The following EPHA6 variants were observed in gnomAD, a reference collection of about 807,000 sequenced individuals.
The protein encoded by EPHA6 is ephrin type-A receptor 6.
In EPHA6, 50 loss-of-function variants were observed where a neutral mutation model predicts 112.0. The ratio of observed to expected loss-of-function variants is 0.45; its 90% CI spans 0.36 to 0.56. The LOEUF is 0.56. EPHA6 is among the 20% of genes least tolerant of loss of function. The probability of loss-of-function intolerance (pLI) is 0.00; values close to 1 mark genes in which losing one functional copy is unlikely to be tolerated. For synonymous variants in EPHA6, 529 were observed against 490.7 expected (o/e 1.08, Z -1.03); for missense variants, 1,280 against 1,417.4 (o/e 0.90, Z 1.56).
intron 3 of EPHA6, among the ~76,000 whole-genome samples, chr3:97,009,261 G>A (rs954208266): frequency 4.6e-5 from 7 of 152,248 alleles, no homozygotes; most frequent in Non-Finnish European, 5.9e-5. Flanking sequence ...CTTCCCCTAG[G>A]GGCTAAGGCC....
intron 5 of EPHA6, among the ~76,000 whole-genome samples, chr3:97,378,112 G>C (rs932823053): frequency 6.6e-6 from 1 of 152,094 alleles, no homozygotes; most frequent in Non-Finnish European, 1.5e-5. Flanking sequence ...GGTTTTATGG[G>C]CAGGGCCCAG....
intron 3 of EPHA6, among the ~76,000 whole-genome samples, chr3:97,152,784 C>T (rs2076200593): frequency 6.6e-6 from 1 of 152,110 alleles, no homozygotes; most frequent in South Asian, 2.1e-4. Flanking sequence ...GGAAAGCCAA[C>T]TCAATGTCTT....
At chr3:96,922,059 A>G (rs13089877) in intron 2 of EPHA6, among the ~76,000 whole-genome samples, 1 of 152,216 alleles carries the variant, frequency 6.6e-6, no homozygotes, top group Non-Finnish European at 1.5e-5. Context: ...AGAGAAAAAG[A>G]GAATGCCAAA....
chr3:96,927,379 A>G (rs1196866909), intron 2 of EPHA6, among the ~76,000 whole-genome samples: 1 of 152,212 alleles, frequency 6.6e-6, no homozygotes, highest in Non-Finnish European at 1.5e-5. Context: ...TCAGATATTA[A>G]CATTCAGCTC....
At chr3:97,340,228 A>G (rs543644255) in intron 5 of EPHA6, among the ~76,000 whole-genome samples, 5 of 152,280 alleles carry the variant, frequency 3.3e-5, no homozygotes, top group African/African-American at 9.6e-5. Flanking sequence ...AGGCCTTTGT[A>G]TATGTAGAAG....
At chr3:97,442,362 G>A (rs2090164516) in intron 6 of EPHA6, among the ~76,000 whole-genome samples, 1 of 152,144 alleles carries the variant, frequency 6.6e-6, no homozygotes, top group African/African-American at 2.4e-5. Context: ...AAGGCGAGTG[G>A]ACCACTTGAG....
intron 14 of EPHA6, among the ~76,000 whole-genome samples, chr3:97,656,457 A>G (rs970605346): frequency 6.6e-6 from 1 of 151,916 alleles, no homozygotes; most frequent in Non-Finnish European, 1.5e-5. Context: ...CCGAACCTAT[A>G]AATAATGATT....
At position 97,168,921 on chromosome 3, in the gene EPHA6, C is replaced by T. The variant is rs137889886; in HGVS notation, c.1115-57343C>T. Among the ~76,000 whole-genome samples the T allele has an allele frequency of 2.5e-3, 373 of 152,148 alleles. 1 individual carries two copies. Among genetic ancestry groups the T allele is most frequent in the African/African-American group, 8.5e-3 (353 of 41,492 alleles). On this transcript the variant is annotated intron_variant, in intron 3 of 17. Transcript: ENST00000389672. ...AGGGGTTGGAACAGCTTGGAGGGAT[C>T]AGAAAAGACAGGAAGATGAGGAAAA...
intron 5 of EPHA6, among the ~76,000 whole-genome samples, chr3:97,386,692 A>T (rs2086089276): frequency 1.3e-5 from 2 of 152,176 alleles, no homozygotes; most frequent in Non-Finnish European, 1.5e-5. Context: ...ATGGTGGCCC[A>T]CTTCTCACAG....
intron 13 of EPHA6, among the ~76,000 whole-genome samples, chr3:97,636,960 A>G (rs2107554325): frequency 6.6e-6 from 1 of 152,258 alleles, no homozygotes; most frequent in African/African-American, 2.4e-5. Flanking sequence ...GTAGAATAAT[A>G]TGCATTATTT....
intron 2 of EPHA6, among the ~76,000 whole-genome samples, chr3:96,892,518 G>A (rs1481463242): frequency 6.6e-6 from 1 of 152,042 alleles, no homozygotes; most frequent in Non-Finnish European, 1.5e-5. Context: ...CACTGCGCCT[G>A]GCCAAAAGAT....
At chr3:97,544,025 T>C (rs181960642) in intron 11 of EPHA6, among the ~76,000 whole-genome samples, 317 of 152,358 alleles carry the variant, frequency 2.1e-3, no homozygotes, top group African/African-American at 7.4e-3. Flanking sequence ...TATACAATCA[T>C]GTCATCTGCC....
intron 5 of EPHA6, among the ~76,000 whole-genome samples, chr3:97,354,726 G>C (rs953961159): frequency 7.9e-5 from 12 of 152,074 alleles, no homozygotes; most frequent in African/African-American, 2.7e-4. Flanking sequence ...TCCAAACCTA[G>C]AGAAAGATAT....
intron 6 of EPHA6, among the ~76,000 whole-genome samples, chr3:97,414,531 A>C (rs2107148795): frequency 6.6e-6 from 1 of 152,192 alleles, no homozygotes; most frequent in East Asian, 1.9e-4. Context: ...TTATTCCCGC[A>C]TAGTAACCGA....
chr3:97,361,540 A>G (rs938644540), intron 5 of EPHA6, among the ~76,000 whole-genome samples: 2 of 152,194 alleles, frequency 1.3e-5, no homozygotes, highest in Non-Finnish European at 2.9e-5. Context: ...GAGGTTGAAA[A>G]GTAGAAGGTC....
chr3:97,248,106 G>A (rs1184911533), intron 5 of EPHA6, among the ~76,000 whole-genome samples: 1 of 151,858 alleles, frequency 6.6e-6, no homozygotes, highest in Admixed American at 6.6e-5. Flanking sequence ...AAAAAAGTTT[G>A]AAATCACTTA....
rs571563893 is a variant in EPHA6 at position 96,931,978 on chromosome 3, T to C, written c.451-55352T>C. On this transcript the variant is annotated intron_variant, in intron 2 of 17. Coordinates refer to ENST00000389672, the MANE Select transcript of EPHA6 (RefSeq NM_001080448.3). ...ACAGCTACAGAGCTGTGTGGGTCCA[T>C]TGGACCCTAGGCCCTCATGCCGTGG... Among the ~76,000 whole-genome samples the C allele has an allele frequency of 8.5e-5, 13 of 152,220 alleles. No homozygotes were observed. The South Asian group carries it at 1.2e-3, about 15-fold the overall frequency.
At chr3:97,097,207 A>G (rs1187823429) in intron 3 of EPHA6, among the ~76,000 whole-genome samples, 1 of 151,798 alleles carries the variant, frequency 6.6e-6, no homozygotes, top group Non-Finnish European at 1.5e-5. Context: ...ATGCAATATC[A>G]TTAATAAAAG....
intron 11 of EPHA6, among the ~76,000 whole-genome samples, chr3:97,550,605 A>T (rs2093016598): frequency 6.6e-6 from 1 of 152,186 alleles, no homozygotes; most frequent in South Asian, 2.1e-4. Flanking sequence ...ATTCTGCAAG[A>T]ATTAAAACAT....
Sources: allele counts gnomAD v4.1 joint callset (sites outside exome capture counted in the v4.1 genomes callset), GRCh38; gene constraint gnomAD v4.1.1; transcripts MANE v1.5; gene names NCBI Gene and HGNC (gene_info 2026-07-23, HGNC 2026-07-21).